Variants in ATAD3A observed in about 807,000 individuals in gnomAD.
The protein encoded by ATAD3A is ATPase family AAA domain-containing protein 3A.
In ATAD3A, 46 loss-of-function variants were observed where a neutral mutation model predicts 73.8. That is an observed-to-expected ratio of 0.62 (90% CI 0.49 to 0.80). The LOEUF is 0.80. Among genes scored for constraint, ATAD3A ranks in the 30% least tolerant of loss-of-function variants. ATAD3A has a pLI of 0.00. For missense variants in ATAD3A, 705 were observed against 838.0 expected (o/e 0.84, Z 1.96); for synonymous variants, 319 against 350.0 (o/e 0.91, Z 0.99).
chr1:1,512,799 C>G, intron 1 of ATAD3A: 1 of 1,050,066 alleles, frequency 9.5e-7, no homozygotes, highest in Non-Finnish European at 1.2e-6. Flanking sequence ...CTGCGCTTGC[C>G]GCCTCCACGT....
rs190175314 is a variant in ATAD3A at position 1,534,445 on chromosome 1, C to T, written c.*373C>T. 457 of 1,225,448 alleles carry T rather than the reference C, an allele frequency of 3.7e-4. 4 individuals are homozygous for T. The East Asian group carries it at 0.012, about 33-fold the overall frequency. The allele number at this position is 1,225,448 out of a possible 1,614,324, so 75.9% of individuals were successfully genotyped here. A position where few individuals can be genotyped will look rare whatever the true frequency, so the allele number is the denominator to read the frequency against. On this transcript the variant is annotated 3_prime_UTR_variant, in exon 16 of 16. Transcript: ENST00000378756. ...GCCAGGCAGGTGATGTCTTTGTTCT[C>T]GGCTCCCACAGCAGAGCCAGGTGAG...
In ATAD3A at chr1:1,520,533, C is replaced by T. The variant is rs1437576850; in HGVS notation, c.681-15C>T. The stretch of plus-strand genomic sequence containing the variant: ...CTTCGTGTCCTTCCTGGTCACACCA[C>T]TGCTTTCCCCGCAGGACGGCTGGCA... On this transcript the variant is annotated splice_polypyrimidine_tract_variant and intron_variant, in intron 6 of 15. Transcript: ENST00000378756. The surrounding 1 kb of genome is among the most constrained non-coding windows in gnomAD (Gnocchi z 4.0). 1 of 1,613,974 alleles carries T rather than the reference C, an allele frequency of 6.2e-7. No homozygotes were observed. Among genetic ancestry groups the T allele is most frequent in the Non-Finnish European group, 8.5e-7 (1 of 1,179,924 alleles).
chr1:1,517,083 C>T (rs1641383561), intron 2 of ATAD3A: 8 of 1,519,180 alleles, frequency 5.3e-6, no homozygotes, highest in Admixed American at 2.0e-5. Context: ...GTCCGGCCTC[C>T]CTCCCGGGGG....
chr1:1,523,734 G>C lies in ATAD3A; in HGVS notation c.964-105G>C, dbSNP rs1349057785. 5 of 1,589,920 alleles carry C rather than the reference G, an allele frequency of 3.1e-6. No individual in the cohort carries two copies. In the East Asian group the frequency reaches 1.1e-4, roughly 36 times the overall value. On this transcript the variant is annotated intron_variant, in intron 9 of 15. Coordinates refer to ENST00000378756, the MANE Select transcript of ATAD3A (RefSeq NM_001170535.3). The surrounding 1 kb of genome is among the most constrained non-coding windows in gnomAD (Gnocchi z 5.1). ...AGATAGGCTGCCCCTGAGGTGGGAG[G>C]CTTCCCGAGGAGCCGAGTCTGCACC...
rs1186330218 is a variant in ATAD3A at position 1,533,989 on chromosome 1, G to A, written c.1678G>A (p.Asp560Asn). ...GGCCATGATGGACACCCGCGTGCAA[G>A]ATGCTGTCCAGCAGCACCAGCAGAA... ...TEAMMDTRVQ[D>N]AVQQHQQKMC... Residue 560 changes from aspartate to asparagine, a missense_variant, in exon 16 of 16, where the codon GAT (aspartate) becomes AAT (asparagine). By Grantham distance (23) the Asp-to-Asn change is conservative (BLOSUM62 1). Coordinates refer to ENST00000378756, the MANE Select transcript of ATAD3A (RefSeq NM_001170535.3). 3 of 1,613,626 alleles carry A rather than the reference G, an allele frequency of 1.9e-6. No homozygotes were observed. Among genetic ancestry groups the A allele is most frequent in the Admixed American group, 1.7e-5 (1 of 60,026 alleles).
At chr1:1,515,699 A>G (rs1447938521) in intron 1 of ATAD3A, among the ~76,000 whole-genome samples, 2 of 152,240 alleles carry the variant, frequency 1.3e-5, no homozygotes, top group South Asian at 4.1e-4. Context: ...AATAGAGGAC[A>G]CTTTAGCCAT....
chr1:1,533,358 A>C (rs1486300889), intron 15 of ATAD3A, among the ~76,000 whole-genome samples: 1 of 152,106 alleles, frequency 6.6e-6, no homozygotes, highest in Non-Finnish European at 1.5e-5. Flanking sequence ...GAAGGGCTGG[A>C]CCTGAGGCTG....
Position 1,520,688 on chromosome 1 carries a change from G to C in ATAD3A, c.750+71G>C. ...CATGTGGGGGCCTCCTGGAGCCCCA[G>C]GTCCTGTCCCTGCCGGCTCTGCACA... On this transcript the variant is annotated intron_variant, in intron 7 of 15. Coordinates refer to ENST00000378756, the MANE Select transcript of ATAD3A (RefSeq NM_001170535.3). This position sits in a 1 kb window ranked among gnomAD's most constrained non-coding sequence, Gnocchi z 4.0. 1 of 1,610,282 alleles carries C rather than the reference G, an allele frequency of 6.2e-7. No individual in the cohort carries two copies. The highest frequency in any genetic ancestry group is 1.1e-5 in the South Asian group (1 of 90,914).
At position 1,523,634 on chromosome 1, in the gene ATAD3A, C is replaced by T; in HGVS notation, c.963+67C>T. ...ACCCTGGAGCTGGGCCGGGCTGTGG[C>T]CCTTGCTGGCGCTCGTGGTGGCACC... On this transcript the variant is annotated intron_variant, in intron 9 of 15. Coordinates refer to ENST00000378756, the MANE Select transcript of ATAD3A (RefSeq NM_001170535.3). This position sits in a 1 kb window ranked among gnomAD's most constrained non-coding sequence, Gnocchi z 5.1. 1 of 1,607,230 alleles carries T rather than the reference C, an allele frequency of 6.2e-7. No individual in the cohort carries two copies. Among genetic ancestry groups the T allele is most frequent in the Non-Finnish European group, 8.5e-7 (1 of 1,177,080 alleles).
chr1:1,516,799 C>A (rs1394839905), intron 2 of ATAD3A, among the ~76,000 whole-genome samples: 1 of 151,858 alleles, frequency 6.6e-6, no homozygotes, highest in Non-Finnish European at 1.5e-5. Context: ...CTCACCGCAA[C>A]CTCTACCTCC....
chr1:1,516,978 C>T, intron 2 of ATAD3A: 1 of 1,142,896 alleles, frequency 8.7e-7, no homozygotes, highest in Non-Finnish European at 1.2e-6. Flanking sequence ...TCCCAAAGTG[C>T]TGGGATTATA....
chr1:1,517,421 G>T lies in ATAD3A; in HGVS notation c.384+9G>T, dbSNP rs751157483. 6.6e-6 allele frequency: 10 copies of T among 1,506,906 alleles called. No homozygotes were observed. The highest frequency in any genetic ancestry group is 8.9e-6 in the Non-Finnish European group (10 of 1,127,134). The allele number at this position is 1,506,906 out of a possible 1,614,324, so 93.3% of individuals were successfully genotyped here. A position where few individuals can be genotyped will look rare whatever the true frequency, so the allele number is the denominator to read the frequency against. Reference sequence around the variant, plus strand: ...CCCGGCAGCACCAGGCCGTAAGAGCGCAAGAGGCCGCGAGGGAGGCCGCCC... The same window carrying T: ...CCCGGCAGCACCAGGCCGTAAGAGCTCAAGAGGCCGCGAGGGAGGCCGCCC... On this transcript the variant is annotated intron_variant, in intron 3 of 15. Coordinates refer to ENST00000378756, the MANE Select transcript of ATAD3A (RefSeq NM_001170535.3).
intron 7 of ATAD3A, among the ~76,000 whole-genome samples, chr1:1,522,006 C>T (rs961410406): frequency 2.0e-5 from 3 of 150,938 alleles, no homozygotes; most frequent in Admixed American, 6.6e-5. Flanking sequence ...TGGGATTACA[C>T]GGGTGAGCCA....
At chr1:1,530,754 G>A (rs532903005) in intron 15 of ATAD3A, among the ~76,000 whole-genome samples, 3 of 118,336 alleles carry the variant, frequency 2.5e-5, no homozygotes, top group East Asian at 2.6e-4. Context: ...GCATGAACCC[G>A]GGAGGCGGAG....
At chr1:1,521,528 C>G (rs368088258) in intron 7 of ATAD3A, among the ~76,000 whole-genome samples, 1 of 152,132 alleles carries the variant, frequency 6.6e-6, no homozygotes, top group Non-Finnish European at 1.5e-5. Context: ...GGTAGGTGCC[C>G]GGCACTGAGT....
intron 1 of ATAD3A, among the ~76,000 whole-genome samples, chr1:1,513,919 G>A (rs1469511331): frequency 1.3e-5 from 2 of 152,068 alleles, no homozygotes; most frequent in African/African-American, 2.4e-5. Flanking sequence ...GCCCCATGCC[G>A]CCTGGTTCCC....
intron 12 of ATAD3A, among the ~76,000 whole-genome samples, chr1:1,525,671 C>T (rs572565916): frequency 2.0e-4 from 31 of 152,078 alleles, no homozygotes; most frequent in African/African-American, 7.5e-4. Flanking sequence ...GCCTTGGCCT[C>T]CCAAAGTGCT....
At chr1:1,533,883 G>A in intron 15 of ATAD3A, 43 bp from the exon 16 acceptor site, 2 of 1,596,228 alleles carry the variant, frequency 1.3e-6, no homozygotes, top group Non-Finnish European at 1.7e-6. Context: ...TGGGGTGGGG[G>A]GTTCCCATGG....
chr1:1,529,254 A>T lies in ATAD3A; in HGVS notation c.1537A>T (p.Arg513Trp), dbSNP rs1364843744. Residue 513 changes from arginine to tryptophan, a missense_variant, in exon 15 of 16, where the codon AGG becomes TGG. Arg to Trp is a moderately radical substitution (Grantham distance 101). This residue lies in a region of ATAD3A where 252 missense variants were observed against 278.5 expected (regional missense o/e 0.90). Coordinates refer to ENST00000378756, the MANE Select transcript of ATAD3A (RefSeq NM_001170535.3). ...RLKLAQFDYG[R>W]KCSEVARLTE... is the part of the protein sequence containing the mutation. Reference sequence around the variant, plus strand: ...GAAGCTGGCCCAGTTTGACTACGGGAGGAAGTGCTCGGAGGTCGCTCGGCT... The same window carrying T: ...GAAGCTGGCCCAGTTTGACTACGGGTGGAAGTGCTCGGAGGTCGCTCGGCT... 1.2e-6 allele frequency: 2 copies of T among 1,609,098 alleles called. No homozygotes were observed. The highest frequency in any genetic ancestry group is 8.5e-7 in the Non-Finnish European group (1 of 1,178,618).
Sources: gnomAD v4.1 joint callset for allele counts (sites outside exome capture counted in the v4.1 genomes callset) on GRCh38, gnomAD v4.1.1 for gene constraint, gnomAD v4.1.1 regional missense constraint, Gnocchi (gnomAD v3.1) non-coding constraint, MANE v1.5 for transcripts, NCBI Gene and HGNC (gene_info 2026-07-23, HGNC 2026-07-21) for gene names.